ZNF292: variants seen among roughly 807,000 people sequenced by gnomAD.
ZNF292 encodes zinc finger protein 292.
In ZNF292, 26 loss-of-function variants were observed where a neutral mutation model predicts 217.9. That is an observed-to-expected ratio of 0.12 (90% CI 0.09 to 0.17). ZNF292 has a LOEUF of 0.17. Among genes scored for constraint, ZNF292 ranks in the 10% least tolerant of loss-of-function variants. The pLI is 1.00. For synonymous variants in ZNF292, 1,257 were observed against 1,124.1 expected (o/e 1.12, Z -2.37); for missense variants, 2,904 against 3,175.2 (o/e 0.91, Z 2.05).
At chr6:87,165,957 C>T (rs556827040) in intron 1 of ZNF292, among the ~76,000 whole-genome samples, 38 of 152,128 alleles carry the variant, frequency 2.5e-4, no homozygotes, top group Non-Finnish European at 4.0e-4. Flanking sequence ...TAGGTTTCAC[C>T]ATGTTGGCCA....
chr6:87,257,643 T>G lies in ZNF292; in HGVS notation c.4014T>G (p.Ser1338=). 6.2e-7 allele frequency: 1 copy of G among 1,609,194 alleles called. No homozygotes were observed. Among genetic ancestry groups the G allele is most frequent in the Non-Finnish European group, 8.5e-7 (1 of 1,177,514 alleles). Residue 1338 remains serine, a synonymous_variant, in exon 8 of 8, where the codon TCT becomes TCG. Transcript: ENST00000369577. ...NNFSSTNAQQ[S]APEKVKKDRG... ...TCAGTAGCACCAATGCCCAACAGTC[T>G]GCACCTGAAAAAGTTAAAAAAGACC... is the stretch of plus-strand genomic sequence containing the variant.
chr6:87,260,654 A>G lies in ZNF292; in HGVS notation c.7025A>G (p.Glu2342Gly), dbSNP rs763030288. ...AAACGAAAGAAAAAAAATAATTTAG[A>G]AAACAAGAATGCAAAGATTGTGCAG... ...KTKRKKKNNL[E>G]NKNAKIVQIE... Residue 2342 changes from glutamate (E) to glycine (G), a missense_variant, in exon 8 of 8, where the codon GAA becomes GGA. This residue lies in a region of ZNF292 where 101 missense variants were observed against 89.5 expected (regional missense o/e 1.13). Transcript: ENST00000369577. The G allele has an allele frequency of 1.2e-6, 2 of 1,612,528 alleles. No homozygotes were observed. Among genetic ancestry groups the G allele is most frequent in the Admixed American group, 1.7e-5 (1 of 59,712 alleles).
intron 1 of ZNF292, among the ~76,000 whole-genome samples, chr6:87,201,841 C>T (rs1772106916): frequency 6.6e-6 from 1 of 152,182 alleles, no homozygotes; most frequent in South Asian, 2.1e-4. Flanking sequence ...ATGGAATAGT[C>T]TGTACTTTCC....
intron 7 of ZNF292, among the ~76,000 whole-genome samples, chr6:87,249,951 C>G (rs1283776666): frequency 6.6e-6 from 1 of 150,708 alleles, no homozygotes; most frequent in Non-Finnish European, 1.5e-5. Context: ...CTCAGATGAT[C>G]TGCCCACCTC....
intron 5 of ZNF292, among the ~76,000 whole-genome samples, chr6:87,240,996 T>C (rs1234217576): frequency 6.6e-6 from 1 of 152,150 alleles, no homozygotes; most frequent in Non-Finnish European, 1.5e-5. Flanking sequence ...AAAGAAGTAT[T>C]AGCATTGGCT....
intron 7 of ZNF292, among the ~76,000 whole-genome samples, chr6:87,252,978 C>T (rs1582508637): frequency 6.6e-6 from 1 of 152,036 alleles, no homozygotes; most frequent in Admixed American, 6.6e-5. Context: ...GCAATCCTAG[C>T]TTACTGCAGC....
rs756084037 is a variant in ZNF292, at chr6:87,260,519, C to G, written c.6890C>G (p.Pro2297Arg). Residue 2297 changes from proline (P) to arginine (R), a missense_variant, in exon 8 of 8, where the codon CCA (proline) becomes CGA (arginine). Physicochemically the swap from Pro to Arg is moderately radical, Grantham distance 103. This residue lies in a region of ZNF292 where 101 missense variants were observed against 89.5 expected (regional missense o/e 1.13). Transcript: ENST00000369577. ...AHLIRPRRLTPGQENMSSKAN... is the reference protein window; with the variant it reads ...AHLIRPRRLTRGQENMSSKAN... The stretch of plus-strand genomic sequence containing the variant: ...TTGATTCGTCCAAGAAGATTAACAC[C>G]AGGCCAGGAAAATATGTCAAGCAAG... The G allele has an allele frequency of 3.1e-6, 5 of 1,613,112 alleles. No individual in the cohort carries two copies. The highest frequency in any genetic ancestry group is 4.2e-6 in the Non-Finnish European group (5 of 1,179,564).
rs139392314 is a variant in ZNF292, at chr6:87,203,389, C to T, written c.169-12514C>T. Among the ~76,000 whole-genome samples the T allele has an allele frequency of 7.1e-3, 1,076 of 152,036 alleles. 17 individuals carry two copies. The highest frequency in any genetic ancestry group is 0.023 in the African/African-American group (974 of 41,460). ...GACTTCTGAGCTTAAGTGATCCACC[C>T]GCCTCAGCCTACCAAAGTGCTGGGA... On this transcript the variant is annotated intron_variant, in intron 1 of 7. Coordinates refer to ENST00000369577, the MANE Select transcript of ZNF292 (RefSeq NM_015021.3).
intron 6 of ZNF292, 40 bp downstream of exon 6, chr6:87,243,651 A>G (rs1476259122): frequency 7.0e-7 from 1 of 1,429,666 alleles, no homozygotes; most frequent in Non-Finnish European, 9.2e-7. Flanking sequence ...TATTTGTTAA[A>G]TAAGAATGCA....
chr6:87,237,217 TAAGC>T (rs1773945885), intron 5 of ZNF292, among the ~76,000 whole-genome samples: 5 of 152,210 alleles, frequency 3.3e-5, no homozygotes, highest in African/African-American at 1.2e-4. Context: ...ATTATTTTGA[TAAGC>T]AAATCAATTT....
At chr6:87,227,629 C>T (rs1016684212) in intron 4 of ZNF292, among the ~76,000 whole-genome samples, 1 of 152,084 alleles carries the variant, frequency 6.6e-6, no homozygotes, top group Non-Finnish European at 1.5e-5. Context: ...TAACCACTAC[C>T]CTACTTTTTG....
chr6:87,238,273 G>A (rs889269949), intron 5 of ZNF292, among the ~76,000 whole-genome samples: 2 of 152,026 alleles, frequency 1.3e-5, no homozygotes, highest in Admixed American at 6.6e-5. Flanking sequence ...TATCACCTGA[G>A]GTCAGGAGTT....
rs370257173 is a variant in ZNF292, at chr6:87,256,411, C to A, written c.2782C>A (p.Pro928Thr). 7.2e-5 allele frequency: 116 copies of A among 1,607,072 alleles called. No homozygotes were observed. The Middle Eastern group carries it at 2.0e-3, about 27-fold the overall frequency. ...SNGLENPATT[P>T]LLQSSEVAVS... ...TGGTTTGGAAAACCCTGCTACTACT[C>A]CTCTACTTCAATCCAGTGAAGTAGC... is the stretch of plus-strand genomic sequence containing the variant. Residue 928 changes from proline to threonine, a missense_variant, in exon 8 of 8, where the codon CCT becomes ACT. Pro to Thr is a conservative substitution (Grantham distance 38). This residue lies in a region of ZNF292 where 687 missense variants were observed against 623.0 expected (regional missense o/e 1.10). Coordinates refer to ENST00000369577, the MANE Select transcript of ZNF292 (RefSeq NM_015021.3).
chr6:87,222,281 T>TA (rs1773121105), intron 4 of ZNF292, among the ~76,000 whole-genome samples: 1 of 152,090 alleles, frequency 6.6e-6, no homozygotes, highest in African/African-American at 2.4e-5. Flanking sequence ...CTGGGATACT[T>TA]AAAAAAATCT....
At chr6:87,185,705 G>A (rs1771625972) in intron 1 of ZNF292, among the ~76,000 whole-genome samples, 1 of 152,210 alleles carries the variant, frequency 6.6e-6, no homozygotes, top group Admixed American at 6.5e-5. Flanking sequence ...CTGAGCTCAA[G>A]CGATCTACCC....
Position 87,191,064 on chromosome 6 carries a change from G to A in ZNF292, c.169-24839G>A, listed in dbSNP as rs112905940. ...GTGGGATCATATAATACATAATATT[G>A]TGTACCATACTTTTTTTTTAACCTA... On this transcript the variant is annotated intron_variant, in intron 1 of 7. Coordinates refer to ENST00000369577, the MANE Select transcript of ZNF292 (RefSeq NM_015021.3). Among the ~76,000 whole-genome samples, 556 of 151,982 alleles carry A rather than the reference G, an allele frequency of 3.7e-3. 2 individuals carry two copies. The highest frequency in any genetic ancestry group is 0.013 in the African/African-American group (535 of 41,448).
At chr6:87,203,617 A>AG (rs1562137817) in intron 1 of ZNF292, among the ~76,000 whole-genome samples, 5 of 151,662 alleles carry the variant, frequency 3.3e-5, no homozygotes, top group Non-Finnish European at 7.4e-5. Flanking sequence ...GGGTGCTGCA[A>AG]TGGCCCAGAG....
At chr6:87,169,300 G>A (rs916445550) in intron 1 of ZNF292, among the ~76,000 whole-genome samples, 3 of 151,738 alleles carry the variant, frequency 2.0e-5, no homozygotes, top group Non-Finnish European at 2.9e-5. Flanking sequence ...CTCAGCCTCC[G>A]AAAGTGCTGG....
intron 1 of ZNF292, chr6:87,173,584 T>G (rs1771181522): frequency 6.5e-6 from 1 of 152,798 alleles, no homozygotes; most frequent in South Asian, 2.1e-4. Context: ...AGTCTAACTC[T>G]TCCTTTGGGG....
Sources: gnomAD v4.1 joint callset for allele counts (sites outside exome capture counted in the v4.1 genomes callset) on GRCh38, gnomAD v4.1.1 for gene constraint, gnomAD v4.1.1 regional missense constraint, MANE v1.5 for transcripts, NCBI Gene and HGNC (gene_info 2026-07-23, HGNC 2026-07-21) for gene names.